The following ANKRD6 variants were observed in gnomAD, a reference collection of about 807,000 sequenced individuals.
The protein encoded by ANKRD6 is ankyrin repeat domain-containing protein 6.
Under a neutral mutation model 82.3 loss-of-function variants are expected in ANKRD6, and 56 were observed. The ratio of observed to expected loss-of-function variants is 0.68; its 90% CI spans 0.55 to 0.85. The LOEUF (loss-of-function observed/expected upper bound fraction) is 0.85. Among genes scored for constraint, ANKRD6 ranks in the 40% least tolerant of loss-of-function variants. The probability of loss-of-function intolerance (pLI) is 0.00; values close to 1 mark genes in which losing one functional copy is unlikely to be tolerated. For missense variants in ANKRD6, 852 were observed against 907.6 expected (o/e 0.94, Z 0.79); for synonymous variants, 347 against 352.1 (o/e 0.99, Z 0.16).
At chr6:89,477,191 A>G (rs7756538) in intron 1 of ANKRD6, among the ~76,000 whole-genome samples, 1,916 of 151,994 alleles carry the variant, frequency 0.013, 44 homozygotes, top group African/African-American at 0.044. Flanking sequence ...TGATCCACCC[A>G]CCTCGGCCTC....
At chr6:89,614,976 A>G (rs1229447184) in intron 7 of ANKRD6, among the ~76,000 whole-genome samples, 22 of 152,162 alleles carry the variant, frequency 1.4e-4, no homozygotes, top group Admixed American at 1.4e-3. Context: ...AAAATTGGGC[A>G]TATAATCTGT....
intron 1 of ANKRD6, among the ~76,000 whole-genome samples, chr6:89,538,854 A>T (rs1784157868): frequency 6.6e-6 from 1 of 152,192 alleles, no homozygotes; most frequent in Non-Finnish European, 1.5e-5. Flanking sequence ...TAATACTTTC[A>T]TGCAAAGAAG....
At chr6:89,577,169 G>A (rs568519136) in intron 2 of ANKRD6, among the ~76,000 whole-genome samples, 62 of 151,788 alleles carry the variant, frequency 4.1e-4, no homozygotes, top group South Asian at 2.3e-3. Context: ...TTATCAGTAC[G>A]AGGGAGCCCC....
intron 1 of ANKRD6, among the ~76,000 whole-genome samples, chr6:89,518,547 T>C (rs1265053792): frequency 6.6e-6 from 1 of 151,976 alleles, no homozygotes; most frequent in African/African-American, 2.4e-5. Context: ...GAAGAAATGA[T>C]GAACTGATGA....
At chr6:89,466,424 T>C (rs1774852992) in intron 1 of ANKRD6, among the ~76,000 whole-genome samples, 1 of 152,220 alleles carries the variant, frequency 6.6e-6, no homozygotes, top group African/African-American at 2.4e-5. Context: ...TCCTAGAAAT[T>C]TTGCCAGCAA....
At chr6:89,443,308 G>T (rs1771658565) in intron 1 of ANKRD6, among the ~76,000 whole-genome samples, 1 of 152,146 alleles carries the variant, frequency 6.6e-6, no homozygotes, top group African/African-American at 2.4e-5. Context: ...GGTTGGGGGA[G>T]CTTAGAATTT....
chr6:89,528,103 G>A (rs1294981296), intron 1 of ANKRD6, among the ~76,000 whole-genome samples: 1 of 152,136 alleles, frequency 6.6e-6, no homozygotes, highest in Non-Finnish European at 1.5e-5. Flanking sequence ...GAGCCCCATC[G>A]CACCCAGCCA....
At chr6:89,534,788 G>T (rs929703449) in intron 1 of ANKRD6, among the ~76,000 whole-genome samples, 4 of 152,228 alleles carry the variant, frequency 2.6e-5, no homozygotes, top group Non-Finnish European at 5.9e-5. Flanking sequence ...GTAAGTTCAA[G>T]TGGTGTTGAT....
At chr6:89,530,148 G>C (rs571342175) in intron 1 of ANKRD6, among the ~76,000 whole-genome samples, 141 of 152,186 alleles carry the variant, frequency 9.3e-4, no homozygotes, top group African/African-American at 3.3e-3. Context: ...CCAGCAACTT[G>C]AGAGGCTTAC....
chr6:89,445,490 A>G (rs1771961562), intron 1 of ANKRD6, among the ~76,000 whole-genome samples: 1 of 151,938 alleles, frequency 6.6e-6, no homozygotes, highest in South Asian at 2.1e-4. Context: ...CTCTGTCGCC[A>G]GGCTGGAGTG....
intron 1 of ANKRD6, among the ~76,000 whole-genome samples, chr6:89,511,257 T>C (rs529154114): frequency 6.6e-6 from 1 of 152,338 alleles, no homozygotes; most frequent in South Asian, 2.1e-4. Context: ...CTTCCCTGGC[T>C]ACCTGGCCAG....
In ANKRD6 at chr6:89,631,942, G is replaced by A. The variant is rs896027744; in HGVS notation, c.*938G>A. ...CTCAAAAGCTTTCTACTGCTTTGCG[G>A]TGAAGGCAAAATATTCGATAACTCA... On this transcript the variant is annotated 3_prime_UTR_variant, in exon 16 of 16. Coordinates refer to ENST00000339746, the MANE Select transcript of ANKRD6 (RefSeq NM_001242809.2). 2.6e-5 allele frequency: 4 copies of A among 152,158 alleles called. No homozygotes were observed. Among genetic ancestry groups the A allele is most frequent in the African/African-American group, 9.7e-5 (4 of 41,430 alleles). 9.4% of individuals were successfully genotyped at this position (152,158 alleles called of 1,614,324 possible). A position where few individuals can be genotyped will look rare whatever the true frequency, so the allele number is the denominator to read the frequency against.
chr6:89,532,777 C>G (rs1783333381), intron 1 of ANKRD6, among the ~76,000 whole-genome samples: 1 of 152,100 alleles, frequency 6.6e-6, no homozygotes, highest in South Asian at 2.1e-4. Context: ...TCTTGGCTCA[C>G]TTCAACCTTT....
At chr6:89,459,001 T>C (rs1024520188) in intron 1 of ANKRD6, among the ~76,000 whole-genome samples, 1 of 152,212 alleles carries the variant, frequency 6.6e-6, no homozygotes, top group Admixed American at 6.5e-5. Context: ...TGGAGGGGTG[T>C]GCACACCTGT....
intron 10 of ANKRD6, among the ~76,000 whole-genome samples, chr6:89,622,383 G>C (rs1354617857): frequency 2.6e-5 from 4 of 152,172 alleles, no homozygotes; most frequent in Non-Finnish European, 5.9e-5. Context: ...GTGGTGTCCA[G>C]TGTGTCACCT....
chr6:89,614,139 CT>C (rs1249083912), intron 7 of ANKRD6, among the ~76,000 whole-genome samples: 1 of 152,142 alleles, frequency 6.6e-6, no homozygotes, highest in Non-Finnish European at 1.5e-5. Flanking sequence ...TGAACATTTT[CT>C]GGAGATCCTG....
chr6:89,593,806 T>C (rs1311674458), intron 2 of ANKRD6, among the ~76,000 whole-genome samples: 2 of 152,214 alleles, frequency 1.3e-5, no homozygotes, highest in Non-Finnish European at 2.9e-5. Context: ...AGGAAACATG[T>C]TTGCTTGAGA....
chr6:89,493,016 A>G (rs1778186396), intron 1 of ANKRD6, among the ~76,000 whole-genome samples: 1 of 152,204 alleles, frequency 6.6e-6, no homozygotes, highest in African/African-American at 2.4e-5. Flanking sequence ...TATAATAGAA[A>G]TAATTCAAGC....
chr6:89,593,499 C>T (rs1446819057), intron 2 of ANKRD6, among the ~76,000 whole-genome samples: 2 of 152,150 alleles, frequency 1.3e-5, no homozygotes, highest in Admixed American at 6.5e-5. Flanking sequence ...TTTTTATAGC[C>T]CACTTTTTTG....
Sources: allele counts gnomAD v4.1 joint callset (sites outside exome capture counted in the v4.1 genomes callset), GRCh38; gene constraint gnomAD v4.1.1; transcripts MANE v1.5; gene names NCBI Gene and HGNC (gene_info 2026-07-23, HGNC 2026-07-21).